The following RIPOR3 variants were observed in gnomAD, a reference collection of about 807,000 sequenced individuals.
The protein encoded by RIPOR3 is family with sequence similarity 65 member C.
RIPOR3 carries 95 observed loss-of-function variants against 114.3 expected under a neutral mutation model. The ratio of observed to expected loss-of-function variants is 0.83; its 90% CI spans 0.70 to 0.99. RIPOR3 has a LOEUF of 0.99. RIPOR3 is among the 50% of genes least tolerant of loss of function. RIPOR3 has a pLI of 0.00. For missense variants in RIPOR3, 1,252 were observed against 1,266.9 expected, an observed-to-expected ratio of 0.99 and a Z score of 0.18; for synonymous variants, 575 against 543.8, an observed-to-expected ratio of 1.06 and a Z score of -0.80.
chr20:50,643,962 C>T (rs2085298166), intron 1 of RIPOR3, among the ~76,000 whole-genome samples: 1 of 151,860 alleles, frequency 6.6e-6, no homozygotes, highest in Non-Finnish European at 1.5e-5. Flanking sequence ...ATCCGCCCAC[C>T]TCAGCCTCCC....
intron 1 of RIPOR3, among the ~76,000 whole-genome samples, chr20:50,656,155 G>A (rs908648612): frequency 3.3e-5 from 5 of 151,638 alleles, no homozygotes; most frequent in Non-Finnish European, 7.4e-5. Flanking sequence ...CTACAGGCCC[G>A]CATCACCATG....
intron 2 of RIPOR3, among the ~76,000 whole-genome samples, chr20:50,628,851 G>A (rs866537205): frequency 2.8e-4 from 42 of 152,340 alleles, no homozygotes; most frequent in African/African-American, 9.9e-4. Flanking sequence ...ACCACCCATG[G>A]GAAGGGAGCC....
At position 50,592,539 on chromosome 20, in the gene RIPOR3, G is replaced by T; in HGVS notation, c.2382C>A (p.Leu794=). 1 of 1,556,656 alleles carries T rather than the reference G, an allele frequency of 6.4e-7. No homozygotes were observed. Among genetic ancestry groups the T allele is most frequent in the Non-Finnish European group, 8.7e-7 (1 of 1,148,894 alleles). The part of the protein sequence containing the change: ...HFTQLTKEVT[L]IEELHCAGQA... ...GTCCCGCACAGTGAAGCTCCTCGAT[G>T]AGTGTCACTAGAAGACAGGAAAGAG... Residue 794 remains leucine, a synonymous_variant, in exon 19 of 22, where the codon CTC becomes CTA. Coordinates refer to ENST00000327979, the MANE Select transcript of RIPOR3 (RefSeq NM_001290268.2).
chr20:50,597,571 T>G lies in RIPOR3; in HGVS notation c.1790+9A>C. On this transcript the variant is annotated intron_variant, in intron 14 of 21. Transcript: ENST00000327979. ...CCACTGGGTCACTGCTGGAAGGAGG[T>G]GCACTCACCGGAGACCCTGGGAGCC... 6.3e-7 allele frequency: 1 copy of G among 1,598,520 alleles called. No individual in the cohort carries two copies. The highest frequency in any genetic ancestry group is 1.3e-5 in the African/African-American group (1 of 74,528).
At chr20:50,592,686 G>T in intron 18 of RIPOR3, 140 bp from the exon 19 acceptor site, 2 of 780,108 alleles carry the variant, frequency 2.6e-6, no homozygotes, top group Non-Finnish European at 3.8e-6. Flanking sequence ...GCCCAGCCTG[G>T]ACTAATTTCA....
In RIPOR3 at chr20:50,602,613, A is replaced by T. The variant is rs2083544639; in HGVS notation, c.1118T>A (p.Leu373Ter). Residue 373 changes from leucine (L) to a stop codon, truncating the protein, a stop_gained, in exon 13 of 22, where the codon TTG becomes TAG. Coordinates refer to ENST00000327979, the MANE Select transcript of RIPOR3 (RefSeq NM_001290268.2). LOFTEE classifies it high-confidence loss of function. This position sits in a 1 kb window ranked among gnomAD's most constrained non-coding sequence, Gnocchi z 4.3. ...SVLQQPTQQA[L>*]LLGGPRATSI... ...GGTGGCCCTTGGGCCACCCAGCAGC[A>T]AGGCCTGCTGTGTTGGCTGCTGTAG... 6.6e-7 allele frequency: 1 copy of T among 1,508,978 alleles called. No homozygotes were observed. The highest frequency in any genetic ancestry group is 1.4e-5 in the African/African-American group (1 of 71,420). The allele number at this position is 1,508,978 out of a possible 1,614,324, so 93.5% of individuals were successfully genotyped here. A position where few individuals can be genotyped will look rare whatever the true frequency, so the allele number is the denominator to read the frequency against.
Position 50,627,263 on chromosome 20 carries a change from G to A in RIPOR3, c.122+3475C>T, listed in dbSNP as rs574594185. On this transcript the variant is annotated intron_variant, in intron 2 of 21. Transcript: ENST00000327979. ...CACCTGTAATCCCAGCATTCTGGGA[G>A]GCCGAGGCAGGTGGATCACCTGAGG... Among the ~76,000 whole-genome samples, 9 of 152,032 alleles carry A rather than the reference G, an allele frequency of 5.9e-5. No individual in the cohort carries two copies. In the South Asian group the frequency reaches 1.0e-3, roughly 18 times the overall value.
At chr20:50,598,841 G>A (rs1420150340) in intron 13 of RIPOR3, among the ~76,000 whole-genome samples, 1 of 149,942 alleles carries the variant, frequency 6.7e-6, no homozygotes, top group Admixed American at 6.7e-5. Context: ...GGAGGCGGAG[G>A]TTGCAGTGAG....
intron 16 of RIPOR3, chr20:50,595,096 C>T (rs993653717): frequency 3.8e-6 from 2 of 521,740 alleles, no homozygotes; most frequent in Non-Finnish European, 6.9e-6. Context: ...GTGCAGTGCC[C>T]TCCTCCTATG....
rs919352913 is a variant in RIPOR3 at position 50,609,912 on chromosome 20, C to A, written c.427-190G>T. Among the ~76,000 whole-genome samples, 3 of 152,170 alleles carry A rather than the reference C, an allele frequency of 2.0e-5. No homozygotes were observed. In the South Asian group the frequency reaches 6.2e-4, roughly 32 times the overall value. On this transcript the variant is annotated intron_variant, in intron 6 of 21. Coordinates refer to ENST00000327979, the MANE Select transcript of RIPOR3 (RefSeq NM_001290268.2). ...CCCCTGGCCCCAGTAGAACATGAAC[C>A]CCCATAGGCAGGGACCACATCTGCC...
At chr20:50,599,606 A>C (rs1437451189) in intron 13 of RIPOR3, among the ~76,000 whole-genome samples, 1 of 152,072 alleles carries the variant, frequency 6.6e-6, no homozygotes, top group African/African-American at 2.4e-5. Context: ...AAAAGCACAA[A>C]AACTTGAAAA....
intron 1 of RIPOR3, among the ~76,000 whole-genome samples, chr20:50,685,957 A>C (rs2087005823): frequency 6.6e-6 from 1 of 152,160 alleles, no homozygotes; most frequent in Admixed American, 6.6e-5. Flanking sequence ...TGCAGAATAA[A>C]ATGTATAGAA....
rs1342218574 is a variant in RIPOR3, at chr20:50,604,664, A to C, written c.1067T>G (p.Phe356Cys). 1.2e-6 allele frequency: 2 copies of C among 1,607,602 alleles called. No individual in the cohort carries two copies. Among genetic ancestry groups the C allele is most frequent in the Admixed American group, 3.4e-5 (2 of 58,478 alleles). The change falls in exon 12 of 22, where the codon TTC (phenylalanine) becomes TGC (cysteine). Residue 356 changes from phenylalanine (F) to cysteine (C), a missense_variant. Coordinates refer to ENST00000327979, the MANE Select transcript of RIPOR3 (RefSeq NM_001290268.2). The stretch of plus-strand genomic sequence containing the variant: ...ACTCACCAGGTAGTATCTCTCCCGG[A>C]AGCTGGGGGTGCTCGGGGGTGTCCA... Reference protein sequence around the residue: ...YNWTPPSTPSFRERYYLSVLQ... With the variant: ...YNWTPPSTPSCRERYYLSVLQ...
chr20:50,642,598 TC>T (rs1256546606), intron 1 of RIPOR3, among the ~76,000 whole-genome samples: 1 of 140,080 alleles, frequency 7.1e-6, no homozygotes, highest in Non-Finnish European at 1.5e-5. Context: ...ATCTCCCCCC[TC>T]CCCCCATGAG....
intron 1 of RIPOR3, among the ~76,000 whole-genome samples, chr20:50,671,469 T>C (rs933450594): frequency 6.6e-6 from 1 of 152,038 alleles, no homozygotes; most frequent in Non-Finnish European, 1.5e-5. Context: ...CATAACTTCT[T>C]GGCTTTCTTG....
chr20:50,602,242 T>A lies in RIPOR3; in HGVS notation c.1489A>T (p.Ser497Cys). 6.2e-7 allele frequency: 1 copy of A among 1,613,916 alleles called. No individual in the cohort carries two copies. Among genetic ancestry groups the A allele is most frequent in the Non-Finnish European group, 8.5e-7 (1 of 1,179,948 alleles). Reference protein sequence around the residue: ...SLFHSGTASSSQNGHEEGATG... With the variant: ...SLFHSGTASSCQNGHEEGATG... ...GCCCCTTCCTCGTGGCCGTTCTGGC[T>A]ACTCGAGGCTGTGCCGCTGTGGAAC... Residue 497 changes from serine to cysteine, a missense_variant, in exon 13 of 22, where the codon AGC becomes TGC. Coordinates refer to ENST00000327979, the MANE Select transcript of RIPOR3 (RefSeq NM_001290268.2). The surrounding 1 kb of genome is among the most constrained non-coding windows in gnomAD (Gnocchi z 4.3).
chr20:50,616,864 C>T (rs967829534), intron 3 of RIPOR3, among the ~76,000 whole-genome samples: 4 of 152,268 alleles, frequency 2.6e-5, no homozygotes, highest in Admixed American at 6.5e-5. Flanking sequence ...GGGTCTAGGC[C>T]GGGCGCCGTG....
rs774186628 is a variant in RIPOR3, at chr20:50,593,033, AC to A, written c.2374+1del. On this transcript the variant is annotated splice_donor_variant, in intron 18 of 21. Coordinates refer to ENST00000327979, the MANE Select transcript of RIPOR3 (RefSeq NM_001290268.2). LOFTEE classifies it high-confidence loss of function. ...TATGACAGCCACCCACCCCAGTCTTACCTTCCTTGGTGAGCTGGGTGAAGTG... is the reference window on the plus strand; with the variant it reads ...TATGACAGCCACCCACCCCAGTCTTACTTCCTTGGTGAGCTGGGTGAAGTG... 7 of 1,613,760 alleles carry A rather than the reference AC, an allele frequency of 4.3e-6. No homozygotes were observed. In the African/African-American group the frequency reaches 9.3e-5, roughly 22 times the overall value.
chr20:50,656,379 G>A (rs2085813485), intron 1 of RIPOR3, among the ~76,000 whole-genome samples: 1 of 152,186 alleles, frequency 6.6e-6, no homozygotes. Context: ...CTCTTTGATT[G>A]TTGGGAGGAG....
Sources: gnomAD v4.1 joint callset for allele counts (sites outside exome capture counted in the v4.1 genomes callset) on GRCh38, gnomAD v4.1.1 for gene constraint, Gnocchi (gnomAD v3.1) non-coding constraint, MANE v1.5 for transcripts, NCBI Gene and HGNC (gene_info 2026-07-23, HGNC 2026-07-21) for gene names.